The following TECPR2 variants were observed in gnomAD, a reference collection of about 807,000 sequenced individuals.
The protein encoded by TECPR2 is tectonin beta-propeller repeat containing 2, also known as tectonin beta-propeller repeat-containing protein 2.
TECPR2 carries 65 observed loss-of-function variants against 138.1 expected under a neutral mutation model. The observed-to-expected ratio is 0.47, with a 90% CI of 0.39 to 0.58. The LOEUF is 0.58. TECPR2 is among the 20% of genes least tolerant of loss of function. The pLI is 0.00. For missense variants in TECPR2, 1,553 were observed against 1,824.5 expected (o/e 0.85, Z 2.71); for synonymous variants, 746 against 749.8 (o/e 0.99, Z 0.08).
intron 19 of TECPR2, 79 bp from the exon 20 acceptor site, chr14:102,498,024 C>A: frequency 6.4e-7 from 1 of 1,555,830 alleles, no homozygotes; most frequent in Non-Finnish European, 8.7e-7. Context: ...CAGACCTGCG[C>A]CCAAGCTCCC....
At chr14:102,428,131 G>A (rs1168321901) in intron 6 of TECPR2, 119 bp from the exon 7 acceptor site, 4 of 1,288,202 alleles carry the variant, frequency 3.1e-6, no homozygotes, top group African/African-American at 3.0e-5. Context: ...AGTTACCATA[G>A]TAAAGTGCAG....
intron 13 of TECPR2, among the ~76,000 whole-genome samples, chr14:102,448,026 C>CT (rs1242119301): frequency 6.6e-6 from 1 of 152,040 alleles, no homozygotes; most frequent in Non-Finnish European, 1.5e-5. Flanking sequence ...ACAGATGTAT[C>CT]TAATTTATAT....
At chr14:102,376,989 C>A (rs745707730) in intron 2 of TECPR2, 49 bp downstream of exon 2, 1 of 1,562,224 alleles carries the variant, frequency 6.4e-7, no homozygotes, top group South Asian at 1.1e-5. Context: ...CCATAGCTGA[C>A]GCTTAACATG....
chr14:102,459,175 C>T (rs1439299971), intron 16 of TECPR2, among the ~76,000 whole-genome samples: 1 of 151,990 alleles, frequency 6.6e-6, no homozygotes, highest in Non-Finnish European at 1.5e-5. Context: ...CAGTGATGCT[C>T]CCACATCAGC....
chr14:102,411,383 AAAG>A (rs1220114277), intron 4 of TECPR2, among the ~76,000 whole-genome samples: 1 of 152,256 alleles, frequency 6.6e-6, no homozygotes, highest in Non-Finnish European at 1.5e-5. Context: ...AAGAATCACA[AAAG>A]AAGTGAATAT....
intron 16 of TECPR2, among the ~76,000 whole-genome samples, chr14:102,457,475 C>T (rs12878385): frequency 4.6e-5 from 7 of 152,114 alleles, no homozygotes; most frequent in Non-Finnish European, 8.8e-5. Context: ...CTGTGCATGG[C>T]GGCTGTCATC....
rs1889010063 is a variant in TECPR2 at position 102,415,873 on chromosome 14, G to A, written c.638+1080G>A. ...GACAGCAGGGACTGGGAAACATGGT[G>A]AGATTGGCAGGCGTTGATGAGGCCC... On this transcript the variant is annotated intron_variant, in intron 5 of 19. Coordinates refer to ENST00000359520, the MANE Select transcript of TECPR2 (RefSeq NM_014844.5). This position sits in a 1 kb window ranked among gnomAD's most constrained non-coding sequence, Gnocchi z 4.3. 6.6e-6 allele frequency among the ~76,000 whole-genome samples: 1 copy of A among 152,184 alleles called. No homozygotes were observed. Among genetic ancestry groups the A allele is most frequent in the African/African-American group, 2.4e-5 (1 of 41,456 alleles).
At chr14:102,444,211 T>C (rs1249131823) in intron 12 of TECPR2, among the ~76,000 whole-genome samples, 3 of 139,254 alleles carry the variant, frequency 2.2e-5, no homozygotes, top group Admixed American at 7.1e-5. Context: ...TTTTTTTTTT[T>C]GATACAGGTT....
At chr14:102,490,924 C>T (rs1342548117) in intron 17 of TECPR2, among the ~76,000 whole-genome samples, 1 of 152,060 alleles carries the variant, frequency 6.6e-6, no homozygotes, top group Non-Finnish European at 1.5e-5. Context: ...GACAGAGTCT[C>T]ACTCTTATTG....
chr14:102,412,622 T>G (rs538619691), intron 4 of TECPR2, among the ~76,000 whole-genome samples: 1 of 152,212 alleles, frequency 6.6e-6, no homozygotes, highest in East Asian at 1.9e-4. Flanking sequence ...CTTTTTTTTT[T>G]TTTTGAGAAA....
intron 1 of TECPR2, among the ~76,000 whole-genome samples, chr14:102,369,802 C>A (rs1323401795): frequency 2.7e-5 from 4 of 149,494 alleles, no homozygotes; most frequent in Admixed American, 1.3e-4. Flanking sequence ...AACAAAAAAA[C>A]AAAAAATTAG....
chr14:102,382,874 A>C (rs1276900293), intron 2 of TECPR2, among the ~76,000 whole-genome samples: 1 of 151,850 alleles, frequency 6.6e-6, no homozygotes, highest in African/African-American at 2.4e-5. Context: ...TTCTTGCCTC[A>C]GCCTCCCAAG....
Position 102,499,084 on chromosome 14 carries a change from G to T in TECPR2, c.*827G>T. The T allele has an allele frequency of 1.4e-6, 1 of 702,830 alleles. No individual in the cohort carries two copies. The highest frequency in any genetic ancestry group is 2.6e-6 in the Non-Finnish European group (1 of 384,876). The allele number at this position is 702,830 out of a possible 1,614,324, so 43.5% of individuals were successfully genotyped here. A position where few individuals can be genotyped will look rare whatever the true frequency, so the allele number is the denominator to read the frequency against. On this transcript the variant is annotated 3_prime_UTR_variant, in exon 20 of 20. Coordinates refer to ENST00000359520, the MANE Select transcript of TECPR2 (RefSeq NM_014844.5). ...TGCCCACACACGGCGCAGGCTGCCC[G>T]CCTCCTGGAGAGCACACTTCAGCTG...
intron 2 of TECPR2, among the ~76,000 whole-genome samples, chr14:102,394,557 C>T (rs1597781349): frequency 2.0e-5 from 3 of 152,078 alleles, no homozygotes; most frequent in East Asian, 1.9e-4. Flanking sequence ...GAGCCATGAT[C>T]GGGCCACTGC....
In TECPR2 at chr14:102,498,388, C is replaced by A; in HGVS notation, c.*131C>A. 1 of 1,142,098 alleles carries A rather than the reference C, an allele frequency of 8.8e-7. No individual in the cohort carries two copies. Among genetic ancestry groups the A allele is most frequent in the Non-Finnish European group, 1.2e-6 (1 of 829,820 alleles). 70.7% of individuals were successfully genotyped at this position (1,142,098 alleles called of 1,614,324 possible). ...CCTCTGGCCAGGTTGGACCCGCACACTTACTTTCATCTATGTTGGTTTCTG... is the reference window on the plus strand; with the variant it reads ...CCTCTGGCCAGGTTGGACCCGCACAATTACTTTCATCTATGTTGGTTTCTG... On this transcript the variant is annotated 3_prime_UTR_variant, in exon 20 of 20. Transcript: ENST00000359520.
Position 102,425,106 on chromosome 14 carries a change from A to G in TECPR2, c.766A>G (p.Ile256Val). 1 of 1,614,104 alleles carries G rather than the reference A, an allele frequency of 6.2e-7. No individual in the cohort carries two copies. Among genetic ancestry groups the G allele is most frequent in the South Asian group, 1.1e-5 (1 of 91,062 alleles). Reference sequence around the variant, plus strand: ...CCACGGGACTGTTCAAGCCACGTTTATCTTAAAAGATGCTTTTGCCGGGGG... The same window carrying G: ...CCACGGGACTGTTCAAGCCACGTTTGTCTTAAAAGATGCTTTTGCCGGGGG... ...DVHGTVQATF[I>V]LKDAFAGGVK... The change falls in exon 6 of 20, where the codon ATC becomes GTC. Residue 256 changes from isoleucine to valine, a missense_variant. Ile to Val is a conservative substitution (Grantham distance 29). Transcript: ENST00000359520.
chr14:102,424,778 T>C (rs1889269084), intron 5 of TECPR2, among the ~76,000 whole-genome samples: 1 of 152,202 alleles, frequency 6.6e-6, no homozygotes, highest in Non-Finnish European at 1.5e-5. Context: ...GGCACACACC[T>C]GTGAGGGTGT....
chr14:102,438,339 G>A (rs909446601), intron 10 of TECPR2, 134 bp downstream of exon 10: 6 of 1,186,614 alleles, frequency 5.1e-6, no homozygotes, highest in Non-Finnish European at 6.8e-6. Context: ...GCGTTCACCA[G>A]GTTTGCCTCT....
chr14:102,415,150 C>T lies in TECPR2; in HGVS notation c.638+357C>T, dbSNP rs1888990596. Among the ~76,000 whole-genome samples the T allele has an allele frequency of 6.6e-6, 1 of 152,186 alleles. No individual in the cohort carries two copies. The highest frequency in any genetic ancestry group is 1.5e-5 in the Non-Finnish European group (1 of 68,036). ...GGTGAGGGGTCAGGGTTGTGGGGCT[C>T]ACTCGTTATTCAGCACGTGTTTACC... On this transcript the variant is annotated intron_variant, in intron 5 of 19. Transcript: ENST00000359520. The surrounding 1 kb of genome is among the most constrained non-coding windows in gnomAD (Gnocchi z 4.3).
Sources: allele counts gnomAD v4.1 joint callset (sites outside exome capture counted in the v4.1 genomes callset), GRCh38; gene constraint gnomAD v4.1.1; non-coding constraint Gnocchi (gnomAD v3.1); transcripts MANE v1.5; gene names NCBI Gene and HGNC (gene_info 2026-07-23, HGNC 2026-07-21).